NTRK3: variants seen among roughly 807,000 people sequenced by gnomAD.
NTRK3 encodes NT-3 growth factor receptor.
NTRK3 carries 24 observed loss-of-function variants against 91.7 expected under a neutral mutation model. The observed-to-expected ratio is 0.26, with a 90% CI of 0.19 to 0.37. The LOEUF (loss-of-function observed/expected upper bound fraction) is 0.37, where lower values mean the gene tolerates loss of function less well. Ranked by LOEUF, NTRK3 falls within the 10% of genes least tolerant of loss-of-function variation. The pLI is 1.00. For synonymous variants in NTRK3, 483 were observed against 404.0 expected (o/e 1.20, Z -2.34); for missense variants, 880 against 1,068.9 (o/e 0.82, Z 2.46).
At chr15:88,170,309 A>T (rs776638103) in intron 5 of NTRK3, among the ~76,000 whole-genome samples, 4 of 152,246 alleles carry the variant, frequency 2.6e-5, no homozygotes, top group Non-Finnish European at 5.9e-5. Flanking sequence ...CAAGATCTTC[A>T]TAACTTGATC....
intron 3 of NTRK3, among the ~76,000 whole-genome samples, chr15:88,244,144 C>T (rs1377407085): frequency 6.6e-6 from 1 of 152,076 alleles, no homozygotes; most frequent in Non-Finnish European, 1.5e-5. Flanking sequence ...GTAAAATGAC[C>T]CCAGCAGGCC....
In NTRK3 at chr15:88,143,025, G is replaced by A. The variant is rs555974997; in HGVS notation, c.464+4310C>T. On this transcript the variant is annotated intron_variant, in intron 6 of 18. Coordinates refer to ENST00000394480, the Ensembl canonical transcript of NTRK3. ...AGGCCAGGAGTTCGAGACCAGCTTAGCTAGCATGGTGAAACCCCATCTCTA... is the reference window on the plus strand; with the variant it reads ...AGGCCAGGAGTTCGAGACCAGCTTAACTAGCATGGTGAAACCCCATCTCTA... Among the ~76,000 whole-genome samples, 103 of 151,920 alleles carry A rather than the reference G, an allele frequency of 6.8e-4. 1 individual carries two copies. Among genetic ancestry groups the A allele is most frequent in the Admixed American group, 6.8e-3 (103 of 15,258 alleles).
chr15:87,901,764 AGGG>A (rs1054017676), intron 17 of NTRK3, among the ~76,000 whole-genome samples: 3 of 124,470 alleles, frequency 2.4e-5, no homozygotes, highest in African/African-American at 1.1e-4. Flanking sequence ...AAAGTTGGGG[AGGG>A]GGGGAGAGGG....
At chr15:87,929,419 A>G (rs1015093216) in exon 17 of NTRK3, 3 of 1,613,962 alleles carry the variant, frequency 1.9e-6, no homozygotes, top group African/African-American at 1.3e-5. Flanking sequence ...GGATCATTGC[A>G]TCTGGCCCAT....
At chr15:87,881,615 T>A (rs1014426612) in intron 17 of NTRK3, among the ~76,000 whole-genome samples, 2 of 152,004 alleles carry the variant, frequency 1.3e-5, no homozygotes, top group Admixed American at 1.3e-4. Flanking sequence ...GAGACGGGGT[T>A]TCACTGTGTT....
chr15:87,882,986 G>A (rs1321596419), intron 17 of NTRK3, among the ~76,000 whole-genome samples: 1 of 151,810 alleles, frequency 6.6e-6, no homozygotes, highest in African/African-American at 2.4e-5. Flanking sequence ...CAAGTTGCAT[G>A]TTATTTAAAA....
intron 13 of NTRK3, among the ~76,000 whole-genome samples, chr15:88,104,393 G>A (rs1057487243): frequency 3.9e-5 from 6 of 152,114 alleles, no homozygotes; most frequent in African/African-American, 1.2e-4. Flanking sequence ...TTATCTTTCC[G>A]ACTGTAACCT....
intron 3 of NTRK3, among the ~76,000 whole-genome samples, chr15:88,230,632 T>C (rs1598078566): frequency 6.6e-6 from 1 of 152,368 alleles, no homozygotes; most frequent in East Asian, 1.9e-4. Flanking sequence ...TCTTCTTGCC[T>C]TCTCCTATTA....
At chr15:88,159,943 T>TACACATACAC (rs1491565928) in intron 5 of NTRK3, among the ~76,000 whole-genome samples, 8 of 112,048 alleles carry the variant, frequency 7.1e-5, no homozygotes, top group African/African-American at 2.7e-4. Context: ...CCCAGCCTCC[T>TACACATACAC]ACACACACAC....
At chr15:87,933,908 G>A (rs1206083623) in intron 15 of NTRK3, among the ~76,000 whole-genome samples, 4 of 152,150 alleles carry the variant, frequency 2.6e-5, no homozygotes, top group Admixed American at 6.5e-5. Context: ...GGAGCATCTG[G>A]GGGCCACCAG....
At chr15:87,881,531 T>C (rs2065252123) in intron 17 of NTRK3, among the ~76,000 whole-genome samples, 1 of 152,018 alleles carries the variant, frequency 6.6e-6, no homozygotes, top group Non-Finnish European at 1.5e-5. Context: ...GCCATTCTCC[T>C]GCCTCAGCCT....
chr15:88,216,186 T>C (rs2049749928), intron 3 of NTRK3, among the ~76,000 whole-genome samples: 2 of 152,144 alleles, frequency 1.3e-5, no homozygotes, highest in Admixed American at 1.3e-4. Flanking sequence ...TGTTATGTTG[T>C]AGCTCACTGG....
At chr15:88,045,455 G>C (rs139620907) in intron 13 of NTRK3, among the ~76,000 whole-genome samples, 2 of 152,198 alleles carry the variant, frequency 1.3e-5, no homozygotes, top group African/African-American at 4.8e-5. Context: ...ATTTCACTGC[G>C]TCCCTATTAA....
At chr15:87,903,091 TCTA>T (rs879347075) in intron 17 of NTRK3, among the ~76,000 whole-genome samples, 49 of 152,262 alleles carry the variant, frequency 3.2e-4, no homozygotes, top group African/African-American at 1.1e-3. Flanking sequence ...TGCCTGGAGA[TCTA>T]CTTTCCATTA....
At chr15:87,920,612 A>T (rs2067786062) in intron 17 of NTRK3, among the ~76,000 whole-genome samples, 1 of 152,330 alleles carries the variant, frequency 6.6e-6, no homozygotes, top group South Asian at 2.1e-4. Flanking sequence ...GCTGCCCCAG[A>T]CTGCACAGTT....
chr15:88,212,141 G>A (rs1299129784), intron 3 of NTRK3, among the ~76,000 whole-genome samples: 1 of 152,078 alleles, frequency 6.6e-6, no homozygotes, highest in Non-Finnish European at 1.5e-5. Flanking sequence ...GGCCGAGGTG[G>A]GCACATCACG....
chr15:87,971,436 A>G (rs1444449525), intron 14 of NTRK3, among the ~76,000 whole-genome samples: 1 of 152,224 alleles, frequency 6.6e-6, no homozygotes, highest in Non-Finnish European at 1.5e-5. Flanking sequence ...TTCTTTCAGA[A>G]TTAATAGCAA....
chr15:88,204,155 G>C (rs2048534099), intron 3 of NTRK3, among the ~76,000 whole-genome samples: 1 of 152,152 alleles, frequency 6.6e-6, no homozygotes, highest in South Asian at 2.1e-4. Context: ...TCTTGTGTTA[G>C]TCAAGCAAAG....
At chr15:88,006,487 G>A (rs1286991972) in intron 14 of NTRK3, among the ~76,000 whole-genome samples, 1 of 152,194 alleles carries the variant, frequency 6.6e-6, no homozygotes, top group Non-Finnish European at 1.5e-5. Context: ...CACATGAAAA[G>A]GGATTGCTGG....
Sources: gnomAD v4.1 joint callset for allele counts (sites outside exome capture counted in the v4.1 genomes callset) on GRCh38, gnomAD v4.1.1 for gene constraint, MANE v1.5 for transcripts, NCBI Gene and HGNC (gene_info 2026-07-23, HGNC 2026-07-21) for gene names.